Variants in RANBP2 observed in about 807,000 individuals in gnomAD.
RANBP2 encodes E3 SUMO-protein ligase RanBP2.
RANBP2 carries 57 observed loss-of-function variants against 303.6 expected under a neutral mutation model. The ratio of observed to expected loss-of-function variants is 0.19; its 90% CI spans 0.15 to 0.23. The LOEUF is 0.23. Ranked by LOEUF, RANBP2 falls within the 10% of genes least tolerant of loss-of-function variation. RANBP2 has a pLI of 1.00. For synonymous variants in RANBP2, 1,167 were observed against 1,301.5 expected (o/e 0.90, Z 2.23); for missense variants, 3,138 against 3,780.8 (o/e 0.83, Z 4.46).
the RANBP2 span, among the ~76,000 whole-genome samples, chr2:109,208,132 C>CAG: frequency 1.3e-5 from 2 of 152,244 alleles, no homozygotes; most frequent in African/African-American, 2.4e-5. Context: ...CCCATGGGCT[C>CAG]AGAGTCTGAG....
At chr2:108,735,975 G>A in intron 5 of RANBP2, 129 bp from the exon 6 acceptor site, 1 of 1,590,420 alleles carries the variant, frequency 6.3e-7, no homozygotes, top group African/African-American at 1.3e-5. Context: ...TGTTTTATAA[G>A]GTCGATATAA....
chr2:108,720,854 T>C (rs1694177693), intron 1 of RANBP2, among the ~76,000 whole-genome samples: 1 of 152,214 alleles, frequency 6.6e-6, no homozygotes, highest in Non-Finnish European at 1.5e-5. Flanking sequence ...GTGACCAGCC[T>C]GGCTAACATG....
At chr2:109,740,282 C>T in the RANBP2 span, among the ~76,000 whole-genome samples, 1 of 151,868 alleles carries the variant, frequency 6.6e-6, no homozygotes, top group Non-Finnish European at 1.5e-5. Context: ...CCACTGCGCC[C>T]GGCCAAGAAG....
At chr2:108,906,117 T>G in the RANBP2 span, among the ~76,000 whole-genome samples, 3 of 152,212 alleles carry the variant, frequency 2.0e-5, no homozygotes, top group Non-Finnish European at 4.4e-5. Flanking sequence ...GGGAGATGCC[T>G]TCCGATATCT....
the RANBP2 span, chr2:109,585,719 A>T: frequency 2.5e-6 from 4 of 1,598,980 alleles, no homozygotes; most frequent in Non-Finnish European, 3.4e-6. Context: ...GGTGGCACGT[A>T]CCCACACAGA....
At chr2:109,414,225 G>A in the RANBP2 span, among the ~76,000 whole-genome samples, 1 of 152,150 alleles carries the variant, frequency 6.6e-6, no homozygotes, top group African/African-American at 2.4e-5. Context: ...CAACGATCAC[G>A]AGCCTTTGTT....
chr2:109,488,826 G>A, the RANBP2 span, among the ~76,000 whole-genome samples: 3 of 152,360 alleles, frequency 2.0e-5, no homozygotes, highest in Middle Eastern at 3.4e-3. Context: ...CTGGCACGGT[G>A]CACAAGACCT....
chr2:109,030,381 C>G, the RANBP2 span, among the ~76,000 whole-genome samples: 1 of 152,122 alleles, frequency 6.6e-6, no homozygotes, highest in South Asian at 2.1e-4. Flanking sequence ...TAAGTAAAGC[C>G]CATTGTTAAT....
the RANBP2 span, among the ~76,000 whole-genome samples, chr2:109,153,790 C>T: frequency 5.9e-5 from 9 of 152,226 alleles, no homozygotes; most frequent in East Asian, 1.9e-4. Flanking sequence ...CCCCGACCCC[C>T]GATGCCACCA....
At chr2:108,869,864 G>C in the RANBP2 span, among the ~76,000 whole-genome samples, 5 of 152,034 alleles carry the variant, frequency 3.3e-5, no homozygotes, top group South Asian at 1.0e-3. Flanking sequence ...TCAAATGTCA[G>C]ATTTTCAGCA....
At chr2:109,018,459 G>A in the RANBP2 span, among the ~76,000 whole-genome samples, 1 of 152,282 alleles carries the variant, frequency 6.6e-6, no homozygotes, top group East Asian at 1.9e-4. Context: ...ATAAGATCCT[G>A]TTATCCTTCT....
chr2:109,391,853 T>A, the RANBP2 span, among the ~76,000 whole-genome samples: 17 of 152,092 alleles, frequency 1.1e-4, no homozygotes, highest in Admixed American at 7.9e-4. Context: ...CTTTTTTTTT[T>A]AATTAAGACA....
chr2:109,652,370 C>A, the RANBP2 span, among the ~76,000 whole-genome samples: 1 of 151,600 alleles, frequency 6.6e-6, no homozygotes, highest in East Asian at 1.9e-4. Flanking sequence ...CTACAGGCAC[C>A]CGCCACCACG....
intron 15 of RANBP2, among the ~76,000 whole-genome samples, chr2:108,754,486 GTTGTCTGGTGTA>G (rs2149237606): frequency 2.0e-5 from 3 of 150,160 alleles, no homozygotes; most frequent in Admixed American, 2.0e-4. Flanking sequence ...TAGGATTTAT[GTTGTCTGGTGTA>G]TTGTAGCATC....
At chr2:108,782,924 A>C (rs1280188774) in intron 28 of RANBP2, 62 bp downstream of exon 28, 1 of 1,429,000 alleles carries the variant, frequency 7.0e-7, no homozygotes, top group Non-Finnish European at 9.8e-7. Flanking sequence ...ACTAATGGGA[A>C]ATTTGAGTGT....
At chr2:109,360,747 A>G in the RANBP2 span, among the ~76,000 whole-genome samples, 2 of 152,232 alleles carry the variant, frequency 1.3e-5, no homozygotes, top group Non-Finnish European at 2.9e-5. Flanking sequence ...TAAATAGATG[A>G]TCATGTCATC....
At chr2:109,331,866 G>A in the RANBP2 span, among the ~76,000 whole-genome samples, 6 of 152,124 alleles carry the variant, frequency 3.9e-5, no homozygotes, top group Non-Finnish European at 8.8e-5. Context: ...GGTCTCCCCT[G>A]AGGAGAGACC....
At chr2:109,298,265 C>G in the RANBP2 span, among the ~76,000 whole-genome samples, 1 of 151,976 alleles carries the variant, frequency 6.6e-6, no homozygotes, top group African/African-American at 2.4e-5. Flanking sequence ...GCTATGTCCC[C>G]GAGGAGCAGA....
At chr2:109,569,253 A>AC in the RANBP2 span, among the ~76,000 whole-genome samples, 9 of 151,960 alleles carry the variant, frequency 5.9e-5, no homozygotes, top group African/African-American at 7.3e-5. Flanking sequence ...AAATGGAGAA[A>AC]CCCCATCTCC....
Sources: allele counts gnomAD v4.1 joint callset (sites outside exome capture counted in the v4.1 genomes callset), GRCh38; gene constraint gnomAD v4.1.1; transcripts MANE v1.5; gene names NCBI Gene and HGNC (gene_info 2026-07-23, HGNC 2026-07-21).